ROBO2: variants seen among roughly 807,000 people sequenced by gnomAD.
The protein encoded by ROBO2 is roundabout guidance receptor 2, also known as roundabout homolog 2.
A neutral mutation model predicts 160.8 loss-of-function variants in ROBO2; 53 were observed. The observed-to-expected ratio is 0.33, with a 90% CI of 0.26 to 0.41. The LOEUF (loss-of-function observed/expected upper bound fraction) is 0.41. Among genes scored for constraint, ROBO2 ranks in the 10% least tolerant of loss-of-function variants. ROBO2 has a pLI of 1.00. For synonymous variants in ROBO2, 664 were observed against 611.7 expected (o/e 1.09, Z -1.26); for missense variants, 1,577 against 1,722.4 (o/e 0.92, Z 1.49).
chr3:77,055,107 T>C (rs1228989837), intron 1 of ROBO2, among the ~76,000 whole-genome samples: 1 of 152,148 alleles, frequency 6.6e-6, no homozygotes, highest in East Asian at 1.9e-4. Context: ...ATCTATTCAT[T>C]TGGAACTCAC....
chr3:77,277,646 T>C (rs148989927), intron 2 of ROBO2, among the ~76,000 whole-genome samples: 2 of 152,326 alleles, frequency 1.3e-5, no homozygotes, highest in East Asian at 3.9e-4. Context: ...TTCCTTTTTA[T>C]GGCTGCATAG....
intron 2 of ROBO2, among the ~76,000 whole-genome samples, chr3:76,694,947 T>A (rs768645689): frequency 6.6e-6 from 1 of 151,934 alleles, no homozygotes; most frequent in Non-Finnish European, 1.5e-5. Flanking sequence ...CTACTAAAAA[T>A]ACAAAAATTA....
rs553686309 is a variant in ROBO2 at position 77,213,036 on chromosome 3, C to CT, written c.388+114704dup. 4.5e-3 allele frequency among the ~76,000 whole-genome samples: 676 copies of CT among 151,856 alleles called. 3 individuals are homozygous for CT. Among genetic ancestry groups the CT allele is most frequent in the African/African-American group, 0.015 (624 of 41,414 alleles). On this transcript the variant is annotated intron_variant, in intron 2 of 25. Transcript: ENST00000461745. ...ATCAGGGATATTGGTCTAAAATTCT[C>CT]TTTTTTTTGTTGTGTCTCTGCCGGG... is the stretch of plus-strand genomic sequence containing the variant.
chr3:75,908,894 A>C (rs1359581714), intron 1 of ROBO2, among the ~76,000 whole-genome samples: 1 of 152,232 alleles, frequency 6.6e-6, no homozygotes, highest in Non-Finnish European at 1.5e-5. Flanking sequence ...ATCAGGATAA[A>C]GACAGGCCAC....
At chr3:77,564,741 T>G (rs956772353) in intron 11 of ROBO2, among the ~76,000 whole-genome samples, 2 of 152,142 alleles carry the variant, frequency 1.3e-5, no homozygotes, top group Admixed American at 1.3e-4. Flanking sequence ...TTAATTTTGT[T>G]GTGCATGGCA....
chr3:76,531,390 A>G (rs2082215737), intron 2 of ROBO2, among the ~76,000 whole-genome samples: 1 of 152,134 alleles, frequency 6.6e-6, no homozygotes, highest in Non-Finnish European at 1.5e-5. Flanking sequence ...GGTTCAATAG[A>G]TACCTTTTGA....
chr3:76,214,100 T>C (rs1057085025), intron 2 of ROBO2, among the ~76,000 whole-genome samples: 1 of 152,144 alleles, frequency 6.6e-6, no homozygotes, highest in Non-Finnish European at 1.5e-5. Flanking sequence ...ACATTAATTA[T>C]CACAATCCAC....
intron 2 of ROBO2, among the ~76,000 whole-genome samples, chr3:76,091,787 A>G (rs2069248143): frequency 6.6e-6 from 1 of 152,198 alleles, no homozygotes; most frequent in Non-Finnish European, 1.5e-5. Context: ...AAACATGGAA[A>G]AAGCTTCAAT....
chr3:76,962,026 T>C (rs1459185229), intron 2 of ROBO2, among the ~76,000 whole-genome samples: 1 of 152,000 alleles, frequency 6.6e-6, no homozygotes, highest in Non-Finnish European at 1.5e-5. Flanking sequence ...TAGCAACACC[T>C]TAACTCTACA....
chr3:76,185,343 G>A (rs1159242486), intron 2 of ROBO2, among the ~76,000 whole-genome samples: 2 of 151,444 alleles, frequency 1.3e-5, no homozygotes. Flanking sequence ...AGTTGCATCT[G>A]TTTGATTACT....
At chr3:76,705,170 A>G (rs1419926045) in intron 2 of ROBO2, among the ~76,000 whole-genome samples, 1 of 152,076 alleles carries the variant, frequency 6.6e-6, no homozygotes, top group Admixed American at 6.6e-5. Flanking sequence ...GATCTCACTC[A>G]TTATCTCTGT....
At chr3:77,205,524 G>A (rs1477994675) in intron 2 of ROBO2, among the ~76,000 whole-genome samples, 4 of 151,940 alleles carry the variant, frequency 2.6e-5, no homozygotes, top group Admixed American at 6.6e-5. Flanking sequence ...GGGGGACATG[G>A]CAGGCCAAAA....
intron 2 of ROBO2, among the ~76,000 whole-genome samples, chr3:76,009,162 G>C (rs1393064322): frequency 6.6e-6 from 1 of 152,154 alleles, no homozygotes; most frequent in Non-Finnish European, 1.5e-5. Context: ...GAGTGCAGGG[G>C]CGCGATCTCG....
At chr3:77,250,283 T>G (rs4072806) in intron 2 of ROBO2, among the ~76,000 whole-genome samples, 108,601 of 152,008 alleles carry the variant, frequency 0.71, 39,469 homozygotes, top group East Asian at 0.95. Flanking sequence ...GGCTACCTGG[T>G]AAGATCATTT....
chr3:76,902,507 T>G (rs1382995407), intron 2 of ROBO2, among the ~76,000 whole-genome samples: 1 of 152,064 alleles, frequency 6.6e-6, no homozygotes, highest in Non-Finnish European at 1.5e-5. Context: ...TTTAATCAAA[T>G]TTATACATTT....
At chr3:77,151,643 A>G (rs1251281744) in intron 2 of ROBO2, among the ~76,000 whole-genome samples, 3 of 152,170 alleles carry the variant, frequency 2.0e-5, no homozygotes, top group Non-Finnish European at 4.4e-5. Flanking sequence ...ATTATGGCTT[A>G]AGTATTTTCT....
rs913551735 is a variant in ROBO2 at position 77,518,185 on chromosome 3, G to A, written c.807-4590G>A. 3.3e-5 allele frequency among the ~76,000 whole-genome samples: 5 copies of A among 151,396 alleles called. No homozygotes were observed. In the East Asian group the frequency reaches 9.7e-4, roughly 29 times the overall value. On this transcript the variant is annotated intron_variant, in intron 5 of 25. Coordinates refer to ENST00000461745, the Ensembl canonical transcript of ROBO2. ...CTTCTAATAGAGATGTTCAAAGATAGAATAGACCCCTTGTCACAGGAGCAA... is the reference window on the plus strand; with the variant it reads ...CTTCTAATAGAGATGTTCAAAGATAAAATAGACCCCTTGTCACAGGAGCAA...
intron 2 of ROBO2, among the ~76,000 whole-genome samples, chr3:77,296,463 G>T (rs1419592591): frequency 1.3e-5 from 2 of 152,130 alleles, no homozygotes; most frequent in African/African-American, 4.8e-5. Flanking sequence ...ACACACTGCT[G>T]CACATTGGAC....
chr3:76,966,524 C>T (rs2059303162), intron 2 of ROBO2, among the ~76,000 whole-genome samples: 1 of 152,136 alleles, frequency 6.6e-6, no homozygotes, highest in Non-Finnish European at 1.5e-5. Flanking sequence ...GAGTCTTAAT[C>T]ATCGGAGTAA....
Sources: gnomAD v4.1 joint callset for allele counts (sites outside exome capture counted in the v4.1 genomes callset) on GRCh38, gnomAD v4.1.1 for gene constraint, MANE v1.5 for transcripts, NCBI Gene and HGNC (gene_info 2026-07-23, HGNC 2026-07-21) for gene names.